The following WNK3 variants were observed in gnomAD, a reference collection of about 807,000 sequenced individuals.
WNK3 encodes WNK lysine deficient protein kinase 3, also known as serine/threonine-protein kinase WNK3.
Under a neutral mutation model 116.7 loss-of-function variants are expected in WNK3, and 18 were observed. The observed-to-expected ratio is 0.15, with a 90% CI of 0.11 to 0.23. The LOEUF is 0.23. Among genes scored for constraint, WNK3 ranks in the 10% least tolerant of loss-of-function variants. The pLI is 1.00. For synonymous variants in WNK3, 404 were observed against 469.4 expected (o/e 0.86, Z 1.80); for missense variants, 993 against 1,323.8 (o/e 0.75, Z 3.88).
intron 10 of WNK3, among the ~76,000 whole-genome samples, chrX:54,291,088 C>A (rs782581878): frequency 1.8e-5 from 2 of 110,888 alleles, no homozygotes; most frequent in Admixed American, 1.9e-4. Context: ...CCGAGGCGGG[C>A]GGATCACGAG....
intron 22 of WNK3, among the ~76,000 whole-genome samples, chrX:54,215,317 AGTGCCTGGGAT>A (rs2146760534): frequency 9.1e-6 from 1 of 110,367 alleles, no homozygotes; most frequent in East Asian, 2.9e-4. Flanking sequence ...CAGCCTGCCG[AGTGCCTGGGAT>A]TGCAGGCGCG....
intron 2 of WNK3, among the ~76,000 whole-genome samples, chrX:54,317,639 C>CT (rs1358253900): frequency 4.9e-5 from 5 of 103,059 alleles, no homozygotes; most frequent in Non-Finnish European, 8.0e-5. Context: ...TTTTTTTTTT[C>CT]TTTTTTTTTT....
chrX:54,311,353 C>G, intron 2 of WNK3, 62 bp from the exon 3 acceptor site: 1 of 896,295 alleles, frequency 1.1e-6, no homozygotes, highest in Non-Finnish European at 1.6e-6. Context: ...ATTTCTAATA[C>G]CACTCAACTG....
chrX:54,351,311 C>T (rs1176628124), intron 1 of WNK3, among the ~76,000 whole-genome samples: 2 of 104,974 alleles, frequency 1.9e-5, no homozygotes, highest in African/African-American at 3.4e-5. Flanking sequence ...ACAACCAACT[C>T]TTTTTTTTTT....
At chrX:54,322,905 A>T (rs1229534505) in intron 2 of WNK3, among the ~76,000 whole-genome samples, 1 of 111,542 alleles carries the variant, frequency 9.0e-6, no homozygotes, top group African/African-American at 3.3e-5. Flanking sequence ...GAAACTTAAC[A>T]GGTATACTGG....
chrX:54,232,892 G>C lies in WNK3; in HGVS notation c.4757C>G (p.Pro1586Arg). The change falls in exon 21 of 24, where the codon CCA becomes CGA. Residue 1586 changes from proline (P) to arginine (R), a missense_variant. By Grantham distance (103) the Pro-to-Arg change is moderately radical. This residue lies in a region of WNK3 where 836 missense variants were observed against 976.5 expected (regional missense o/e 0.86). Transcript: ENST00000354646. ...GCTTTTGAAAGATCTTGGTCGACGT[G>C]GTGATGCAGGTGGCAAAGGAATCTC... The C allele has an allele frequency of 8.3e-7, 1 of 1,211,261 alleles. No homozygotes were observed. Among genetic ancestry groups the C allele is most frequent in the Non-Finnish European group, 1.1e-6 (1 of 895,468 alleles).
intron 20 of WNK3, among the ~76,000 whole-genome samples, chrX:54,234,377 A>G (rs1396632003): frequency 8.9e-6 from 1 of 111,777 alleles, no homozygotes; most frequent in Non-Finnish European, 1.9e-5. Flanking sequence ...GTCTCAAAAT[A>G]AAAGATCCTT....
At chrX:54,274,807 A>G (rs781941317) in intron 10 of WNK3, among the ~76,000 whole-genome samples, 48 of 110,167 alleles carry the variant, frequency 4.4e-4, no homozygotes, top group Admixed American at 1.2e-3. Flanking sequence ...GGAGTTTGAG[A>G]CCAGCCTGGG....
At chrX:54,353,497 G>C (rs996827488) in intron 1 of WNK3, among the ~76,000 whole-genome samples, 1 of 109,865 alleles carries the variant, frequency 9.1e-6, no homozygotes, top group Admixed American at 9.9e-5. Flanking sequence ...GGTTAAAATG[G>C]TAAGTTTGTA....
chrX:54,234,565 G>A (rs2067940207), intron 20 of WNK3, among the ~76,000 whole-genome samples: 1 of 111,913 alleles, frequency 8.9e-6, no homozygotes, highest in South Asian at 3.7e-4. Context: ...AATGGCTCAC[G>A]CCTGTAATCC....
At chrX:54,281,514 C>T (rs1246712009) in intron 10 of WNK3, among the ~76,000 whole-genome samples, 1 of 111,112 alleles carries the variant, frequency 9.0e-6, no homozygotes, top group African/African-American at 3.3e-5. Context: ...CTAAATAATA[C>T]ATTGCATCCC....
At chrX:54,257,006 T>G (rs139426508) in intron 11 of WNK3, among the ~76,000 whole-genome samples, 2 of 111,960 alleles carry the variant, frequency 1.8e-5, no homozygotes, top group African/African-American at 6.5e-5. Flanking sequence ...GTTCTAGAAA[T>G]AATGTAGTAG....
intron 22 of WNK3, among the ~76,000 whole-genome samples, chrX:54,213,576 A>C (rs1332523877): frequency 9.5e-6 from 1 of 105,302 alleles, no homozygotes; most frequent in Non-Finnish European, 1.9e-5. Context: ...AAACAAAAAA[A>C]AAAAAACTAG....
intron 1 of WNK3, among the ~76,000 whole-genome samples, chrX:54,353,181 A>G (rs930491129): frequency 1.8e-5 from 2 of 111,841 alleles, no homozygotes; most frequent in Non-Finnish European, 3.8e-5. Context: ...AAATGGGGCC[A>G]GGCGCAGTGG....
intron 22 of WNK3, among the ~76,000 whole-genome samples, chrX:54,220,027 C>A (rs1353185357): frequency 8.9e-6 from 1 of 111,735 alleles, no homozygotes; most frequent in Non-Finnish European, 1.9e-5. Context: ...CCAGTTATAA[C>A]AGTAAAGTAG....
intron 5 of WNK3, among the ~76,000 whole-genome samples, chrX:54,302,737 A>C (rs113294291): frequency 0.019 from 504 of 26,809 alleles, 5 homozygotes; most frequent in African/African-American, 0.038. Context: ...CTCTCTATAT[A>C]TATATATATA....
intron 5 of WNK3, among the ~76,000 whole-genome samples, chrX:54,306,250 C>A (rs1557168620): frequency 2.7e-5 from 3 of 110,138 alleles, no homozygotes. Flanking sequence ...GGAACTTCCC[C>A]AAAAAAACTA....
At chrX:54,244,475 T>C (rs1395191257) in intron 17 of WNK3, among the ~76,000 whole-genome samples, 2 of 111,658 alleles carry the variant, frequency 1.8e-5, no homozygotes, top group Non-Finnish European at 3.8e-5. Context: ...GTTTTCTTTC[T>C]AACACTGTTT....
At chrX:54,228,304 T>A (rs1241584837) in intron 22 of WNK3, among the ~76,000 whole-genome samples, 1 of 112,170 alleles carries the variant, frequency 8.9e-6, no homozygotes, top group East Asian at 2.8e-4. Context: ...CATTTTAATA[T>A]TATACAGCAA....
Sources: gnomAD v4.1 joint callset for allele counts (sites outside exome capture counted in the v4.1 genomes callset) on GRCh38, gnomAD v4.1.1 for gene constraint, gnomAD v4.1.1 regional missense constraint, MANE v1.5 for transcripts, NCBI Gene and HGNC (gene_info 2026-07-23, HGNC 2026-07-21) for gene names.